CRBN: variants seen among roughly 807,000 people sequenced by gnomAD.
CRBN encodes cereblon.
Under a neutral mutation model 62.2 loss-of-function variants are expected in CRBN, and 53 were observed. The observed-to-expected ratio is 0.85, with a 90% CI of 0.68 to 1.07. The LOEUF is 1.07. CRBN is among the 50% of genes least tolerant of loss of function. The pLI, the probability that CRBN is intolerant of heterozygous loss-of-function variation, is 0.00. For missense variants in CRBN, 616 were observed against 531.1 expected (o/e 1.16, Z -1.57); for synonymous variants, 208 against 176.1 (o/e 1.18, Z -1.43).
At chr3:3,163,090 C>G (rs974868016) in intron 5 of CRBN, among the ~76,000 whole-genome samples, 2 of 152,182 alleles carry the variant, frequency 1.3e-5, no homozygotes, top group Non-Finnish European at 2.9e-5. Context: ...TAAGTGGTCT[C>G]TCTAAAGCAG....
intron 3 of CRBN, 60 bp downstream of exon 3, chr3:3,173,999 T>G: frequency 7.1e-7 from 1 of 1,401,766 alleles, no homozygotes; most frequent in Non-Finnish European, 1.0e-6. Flanking sequence ...GCTTCAACAC[T>G]GACCACTGCA....
chr3:3,166,955 G>C (rs553434911), intron 5 of CRBN, among the ~76,000 whole-genome samples: 1 of 150,644 alleles, frequency 6.6e-6, no homozygotes, highest in South Asian at 2.1e-4. Flanking sequence ...AACTCAAAAA[G>C]CCCAATTATT....
chr3:3,163,280 G>A (rs1707210696), intron 5 of CRBN, among the ~76,000 whole-genome samples: 1 of 152,168 alleles, frequency 6.6e-6, no homozygotes, highest in Non-Finnish European at 1.5e-5. Flanking sequence ...AAACCTTTTA[G>A]GCCTTCTCAT....
At chr3:3,163,069 C>G (rs1707202587) in intron 5 of CRBN, among the ~76,000 whole-genome samples, 1 of 152,162 alleles carries the variant, frequency 6.6e-6, no homozygotes, top group African/African-American at 2.4e-5. Context: ...TTGATGCACA[C>G]AGAATGGCTC....
At chr3:3,164,185 C>G (rs1423574018) in intron 5 of CRBN, among the ~76,000 whole-genome samples, 1 of 152,172 alleles carries the variant, frequency 6.6e-6, no homozygotes, top group African/African-American at 2.4e-5. Flanking sequence ...ACAATGGCTT[C>G]TAAGTGCTCA....
At position 3,165,022 on chromosome 3, in the gene CRBN, C is replaced by T. The variant is rs184907426; in HGVS notation, c.687+2612G>A. ...ACAGGAATTTAGAAGAAGTTTACTC[C>T]AACCCTCATGGATGACGATTTTGAG... On this transcript the variant is annotated intron_variant, in intron 5 of 10. Coordinates refer to ENST00000231948, the MANE Select transcript of CRBN (RefSeq NM_016302.4). 4.8e-4 allele frequency among the ~76,000 whole-genome samples: 73 copies of T among 152,188 alleles called. 1 individual carries two copies. Among genetic ancestry groups the T allele is most frequent in the African/African-American group, 1.7e-3 (69 of 41,504 alleles).
chr3:3,167,346 A>G (rs1707390872), intron 5 of CRBN: 7 of 294,908 alleles, frequency 2.4e-5, no homozygotes, highest in South Asian at 2.3e-4. Flanking sequence ...TAATTTGATC[A>G]TAGTTTAATA....
At position 3,150,400 on chromosome 3, in the gene CRBN, C is replaced by T. The variant is rs1325542019; in HGVS notation, c.*465G>A. 6.5e-6 allele frequency: 1 copy of T among 153,244 alleles called. No homozygotes were observed. The highest frequency in any genetic ancestry group is 1.9e-4 in the East Asian group (1 of 5,248). The allele number at this position is 153,244 out of a possible 1,614,324, so 9.5% of individuals were successfully genotyped here. ...TAATATACATTGCCTTGCTTCTTTC[C>T]AAAAGGAACATGTACTTGTCACCCT... On this transcript the variant is annotated 3_prime_UTR_variant, in exon 11 of 11. Coordinates refer to ENST00000231948, the MANE Select transcript of CRBN (RefSeq NM_016302.4).
intron 5 of CRBN, among the ~76,000 whole-genome samples, chr3:3,158,390 C>T (rs2126057982): frequency 6.6e-6 from 1 of 152,266 alleles, no homozygotes; most frequent in East Asian, 1.9e-4. Flanking sequence ...TTGGGGACCC[C>T]TGCCAAAGGT....
At chr3:3,162,744 G>T (rs1345395048) in intron 5 of CRBN, among the ~76,000 whole-genome samples, 1 of 152,132 alleles carries the variant, frequency 6.6e-6, no homozygotes, top group Non-Finnish European at 1.5e-5. Context: ...TTATTAGCTT[G>T]AGTTAGCTTA....
At chr3:3,155,805 G>T (rs962771461) in intron 6 of CRBN, 126 of 156,226 alleles carry the variant, frequency 8.1e-4, no homozygotes, top group Admixed American at 2.0e-3. Flanking sequence ...AGAGTCTTGT[G>T]ATACCTTTTT....
chr3:3,178,276 AG>A (rs774230955), intron 1 of CRBN, among the ~76,000 whole-genome samples: 3 of 152,212 alleles, frequency 2.0e-5, no homozygotes, highest in Non-Finnish European at 4.4e-5. Context: ...GAGAACAACC[AG>A]TGACTATGGT....
At chr3:3,163,622 A>G (rs1241737592) in intron 5 of CRBN, among the ~76,000 whole-genome samples, 1 of 152,212 alleles carries the variant, frequency 6.6e-6, no homozygotes, top group Non-Finnish European at 1.5e-5. Context: ...AGGTCACAGA[A>G]CTAGCTGTAC....
At position 3,150,682 on chromosome 3, in the gene CRBN, C is replaced by CTAAAG. The variant is rs1490702168; in HGVS notation, c.*178_*182dup. 1.2e-5 allele frequency: 7 copies of CTAAAG among 601,990 alleles called. No homozygotes were observed. The highest frequency in any genetic ancestry group is 1.9e-5 in the African/African-American group (1 of 53,854). The allele number at this position is 601,990 out of a possible 1,614,324, so 37.3% of individuals were successfully genotyped here. On this transcript the variant is annotated 3_prime_UTR_variant, in exon 11 of 11. Transcript: ENST00000231948. ...CTAGACTGCCGTTCATGCTTGTTTC[C>CTAAAG]TAAAGTATACTTAAAAGTTTCAAAT...
intron 5 of CRBN, among the ~76,000 whole-genome samples, chr3:3,163,222 C>A (rs1400775790): frequency 6.6e-6 from 1 of 152,156 alleles, no homozygotes; most frequent in Non-Finnish European, 1.5e-5. Flanking sequence ...GCAAGGGAAC[C>A]CTGTAGATAA....
chr3:3,171,758 A>T (rs1707626494), intron 4 of CRBN, among the ~76,000 whole-genome samples: 2 of 152,122 alleles, frequency 1.3e-5, no homozygotes. Flanking sequence ...CATGCTGCTC[A>T]CATTGTTTTT....
intron 6 of CRBN, chr3:3,155,382 C>T (rs1706840777): frequency 6.5e-6 from 1 of 155,028 alleles, no homozygotes; most frequent in African/African-American, 2.4e-5. Context: ...GATTTGTGGG[C>T]AGTGATTCAT....
At chr3:3,152,361 A>T in intron 10 of CRBN, 95 bp downstream of exon 10, 1 of 1,316,038 alleles carries the variant, frequency 7.6e-7, no homozygotes, top group South Asian at 1.3e-5. Context: ...ACTTTTTATT[A>T]TAAAGATTGT....
At chr3:3,152,085 A>C (rs1706597900) in intron 10 of CRBN, among the ~76,000 whole-genome samples, 1 of 152,160 alleles carries the variant, frequency 6.6e-6, no homozygotes, top group Non-Finnish European at 1.5e-5. Context: ...TCATTCAATG[A>C]TAAAAGATAC....
Sources: allele counts gnomAD v4.1 joint callset (sites outside exome capture counted in the v4.1 genomes callset), GRCh38; gene constraint gnomAD v4.1.1; transcripts MANE v1.5; gene names NCBI Gene and HGNC (gene_info 2026-07-23, HGNC 2026-07-21).